Variants in MALAT1 observed in about 807,000 individuals in gnomAD.
The protein encoded by MALAT1 is hepcarcin.
intron 3 of MALAT1, chr11:65,505,676 C>T (rs756156464): frequency 3.1e-5 from 16 of 518,840 alleles, no homozygotes; most frequent in Middle Eastern, 3.2e-4. Context: ...ACGATGGTGT[C>T]GAGGTCTTTG....
exon 1 of MALAT1, chr11:65,497,746 G>A (rs1241309785): frequency 7.3e-6 from 3 of 412,098 alleles, no homozygotes; most frequent in Admixed American, 2.8e-5. Context: ...TCCGCAGCCT[G>A]CAGCCCGAGA....
At chr11:65,506,008 T>C (rs769646700) in intron 3 of MALAT1, 1 of 464,002 alleles carries the variant, frequency 2.2e-6, no homozygotes, top group Non-Finnish European at 4.1e-6. Flanking sequence ...TCTCCAATGC[T>C]CTTCAGTAGG....
At chr11:65,501,085 A>G (rs1249254526) in exon 3 of MALAT1, 1 of 512,904 alleles carries the variant, frequency 1.9e-6, no homozygotes, top group Non-Finnish European at 3.9e-6. Flanking sequence ...GCAAATCTGT[A>G]AGCAGTTTGT....
At position 65,497,938 on chromosome 11, in the gene MALAT1, C is replaced by G. The variant is rs750034249; in HGVS notation, n.178+73C>G. 5.8e-6 allele frequency: 3 copies of G among 518,774 alleles called. 1 individual carries two copies. Among genetic ancestry groups the G allele is most frequent in the South Asian group, 2.8e-5 (2 of 71,594 alleles). 32.1% of individuals were successfully genotyped at this position (518,774 alleles called of 1,614,324 possible). Reference sequence around the variant, plus strand: ...TGGGACGCAGCGACGAGTTGTGCTGCTATCTTAGCTGTCCTTATAGGCTGG... The same window carrying G: ...TGGGACGCAGCGACGAGTTGTGCTGGTATCTTAGCTGTCCTTATAGGCTGG... On this transcript the variant is annotated intron_variant and non_coding_transcript_variant, in intron 1 of 3. Transcript: ENST00000619449.
In MALAT1 at chr11:65,500,264, A is replaced by T. The variant is rs753272790; in HGVS notation, n.1527A>T. On this transcript the variant is annotated non_coding_transcript_exon_variant, in exon 3 of 4. Transcript: ENST00000619449. ...CCTTAAATATAGTAGCTTAGTTTGAAAAATGTGAAGGACTTTCGTAACGGA... is the reference window on the plus strand; with the variant it reads ...CCTTAAATATAGTAGCTTAGTTTGATAAATGTGAAGGACTTTCGTAACGGA... The T allele has an allele frequency of 7.7e-6, 4 of 518,756 alleles. No individual in the cohort carries two copies. The Admixed American group carries it at 7.8e-5, about 10-fold the overall frequency. The allele number at this position is 518,756 out of a possible 1,614,324, so 32.1% of individuals were successfully genotyped here.
chr11:65,499,141 T>G (rs762768422), exon 3 of MALAT1: 7 of 515,094 alleles, frequency 1.4e-5, no homozygotes, highest in South Asian at 4.2e-5. Context: ...AAGATAGAGA[T>G]TAATACAACT....
rs184444254 is a variant in MALAT1, at chr11:65,500,051, C to G, written n.1314C>G. 3.9e-4 allele frequency: 171 copies of G among 440,286 alleles called. 1 individual carries two copies. In the East Asian group the frequency reaches 4.1e-3, roughly 11 times the overall value. 27.3% of individuals were successfully genotyped at this position (440,286 alleles called of 1,614,324 possible). ...CCCATCAATTTAATTTCTGGTGGTG[C>G]AGAAGTTAGAAGGTAAAGCTTGAGA... On this transcript the variant is annotated non_coding_transcript_exon_variant, in exon 3 of 4. Coordinates refer to ENST00000619449, the Ensembl canonical transcript of MALAT1.
At chr11:65,501,665 G>T in exon 3 of MALAT1, 1 of 519,036 alleles carries the variant, frequency 1.9e-6, no homozygotes, top group Non-Finnish European at 3.8e-6. Flanking sequence ...AACACCTTCA[G>T]GGACTGGAGC....
exon 3 of MALAT1, chr11:65,500,903 G>C (rs754979076): frequency 3.9e-6 from 2 of 514,046 alleles, no homozygotes; most frequent in East Asian, 1.1e-4. Context: ...CGATTTCCGG[G>C]TGTTGTAGGT....
At chr11:65,505,799 C>A (rs879204537) in intron 3 of MALAT1, 1 of 509,732 alleles carries the variant, frequency 2.0e-6, no homozygotes, top group South Asian at 1.4e-5. Context: ...GTGACTAAAA[C>A]CAACTTAAAC....
exon 3 of MALAT1, chr11:65,501,104 T>G (rs1248780062): frequency 1.9e-6 from 1 of 515,976 alleles, no homozygotes; most frequent in Non-Finnish European, 3.9e-6. Context: ...GTATGTTTAG[T>G]TGGGGTAATG....
At chr11:65,504,669 A>AAATC (rs771115588) in intron 3 of MALAT1, 1 of 518,926 alleles carries the variant, frequency 1.9e-6, no homozygotes, top group South Asian at 1.4e-5. Flanking sequence ...TGCAACCTTA[A>AAATC]AATCAGTGAC....
exon 3 of MALAT1, chr11:65,501,260 C>A (rs367741529): frequency 7.8e-6 from 4 of 514,946 alleles, no homozygotes; most frequent in African/African-American, 1.9e-5. Context: ...AATATGTTTT[C>A]AGTTCTTTTT....
At chr11:65,503,293 C>G (rs1051608294) in exon 3 of MALAT1, 1 of 517,942 alleles carries the variant, frequency 1.9e-6, no homozygotes, top group Non-Finnish European at 3.9e-6. Context: ...TTCTCCTGAC[C>G]CCTTCCCTAG....
chr11:65,500,813 T>C (rs762532183), exon 3 of MALAT1: 5 of 518,874 alleles, frequency 9.6e-6, no homozygotes, highest in African/African-American at 1.9e-5. Flanking sequence ...AACTTACTTA[T>C]GGTAACCTTT....
exon 3 of MALAT1, chr11:65,502,341 T>G (rs772029136): frequency 3.9e-6 from 2 of 514,448 alleles, no homozygotes; most frequent in East Asian, 1.1e-4. Context: ...GCAAAGGAAG[T>G]GGCTTAATGA....
intron 3 of MALAT1, chr11:65,505,914 G>A: frequency 2.3e-6 from 1 of 432,474 alleles, no homozygotes; most frequent in Non-Finnish European, 4.5e-6. Context: ...AGGGCTTTTG[G>A]GTGGGAATGC....
At chr11:65,498,070 T>C (rs1429126426) in intron 1 of MALAT1, 2 of 518,872 alleles carry the variant, frequency 3.9e-6, no homozygotes, top group African/African-American at 3.8e-5. Flanking sequence ...TCAGAAGGTC[T>C]GAAGCTCATA....
exon 3 of MALAT1, chr11:65,501,576 T>C (rs769174563): frequency 1.9e-6 from 1 of 518,762 alleles, no homozygotes; most frequent in Admixed American, 1.9e-5. Flanking sequence ...AATGTTTTTT[T>C]CTAAGATTTT....
Sources: allele counts gnomAD v4.1 joint callset, GRCh38; gene constraint gnomAD v4.1.1; transcripts MANE v1.5; gene names NCBI Gene and HGNC (gene_info 2026-07-23, HGNC 2026-07-21).